The following CIITA variants were observed in gnomAD, a reference collection of about 807,000 sequenced individuals.
CIITA encodes class II major histocompatibility complex transactivator.
In CIITA, 72 loss-of-function variants were observed where a neutral mutation model predicts 115.1. That is an observed-to-expected ratio of 0.63 (90% CI 0.52 to 0.76). The LOEUF (loss-of-function observed/expected upper bound fraction) is 0.76, where lower values mean the gene tolerates loss of function less well. Ranked by LOEUF, CIITA falls within the 30% of genes least tolerant of loss-of-function variation. The pLI is 0.00. For missense variants in CIITA, 1,617 were observed against 1,463.8 expected (o/e 1.10, Z -1.71); for synonymous variants, 763 against 635.6 (o/e 1.20, Z -3.02).
At chr16:10,916,242 A>G in intron 14 of CIITA, 125 bp from the exon 15 acceptor site, 1 of 833,144 alleles carries the variant, frequency 1.2e-6, no homozygotes, top group Admixed American at 2.0e-5. Flanking sequence ...CCGGCTGCCT[A>G]TGGTGTATTA....
rs775514166 is a variant in CIITA at position 10,918,443 on chromosome 16, G to A, written c.3066G>A (p.Leu1022=). Residue 1022 remains leucine, a synonymous_variant, in exon 16 of 20, where the codon CTG becomes CTA. Coordinates refer to ENST00000324288, the MANE Select transcript of CIITA (RefSeq NM_000246.4). Reference sequence around the variant, plus strand: ...CCCCCTCACTGTGTCCCCGCAGTCTGTCCCAGAACAACATCACTGACCTGG... The same window carrying A: ...CCCCCTCACTGTGTCCCCGCAGTCTATCCCAGAACAACATCACTGACCTGG... ...PQLKSLETLN[L]SQNNITDLGA... The A allele has an allele frequency of 7.4e-6, 12 of 1,614,102 alleles. No homozygotes were observed. Among genetic ancestry groups the A allele is most frequent in the Middle Eastern group, 1.6e-4 (1 of 6,062 alleles).
At chr16:10,911,962 A>C (rs1372299249) in intron 13 of CIITA, among the ~76,000 whole-genome samples, 1 of 152,214 alleles carries the variant, frequency 6.6e-6, no homozygotes, top group Non-Finnish European at 1.5e-5. Context: ...TGCTGAGAAC[A>C]AGAGACTTTA....
chr16:10,873,933 T>G (rs771492210), upstream of CIITA, among the ~76,000 whole-genome samples: 8 of 152,142 alleles, frequency 5.3e-5, no homozygotes, highest in Non-Finnish European at 1.2e-4. Context: ...TCATCACCTC[T>G]GCAAGAGTTT....
In CIITA at chr16:10,906,918, C is replaced by A. The variant is rs754640797; in HGVS notation, c.1426C>A (p.Pro476Thr). The A allele has an allele frequency of 6.2e-7, 1 of 1,613,490 alleles. No homozygotes were observed. ...QDLLFSLGPQ[P>T]LVAADEVFSH... ...TCTGCTCTTCTCCCTGGGCCCACAG[C>A]CACTCGTGGCGGCCGATGAGGTTTT... The change falls in exon 11 of 20, where the codon CCA becomes ACA. Residue 476 changes from proline to threonine, a missense_variant. By Grantham distance (38) the Pro-to-Thr change is conservative. Coordinates refer to ENST00000324288, the MANE Select transcript of CIITA (RefSeq NM_000246.4).
intron 1 of CIITA, among the ~76,000 whole-genome samples, chr16:10,881,974 T>A (rs1204217227): frequency 1.3e-5 from 2 of 152,250 alleles, no homozygotes; most frequent in African/African-American, 4.8e-5. Flanking sequence ...GTCTTCCAGG[T>A]TCATCCATGT....
At chr16:10,889,641 T>C (rs2037343013) in intron 1 of CIITA, among the ~76,000 whole-genome samples, 1 of 152,036 alleles carries the variant, frequency 6.6e-6, no homozygotes, top group African/African-American at 2.4e-5. Context: ...TGCCTCAGCC[T>C]CCCAAGTAGC....
rs145686309 is a variant in CIITA, at chr16:10,883,744, C to T, written c.52+6362C>T. 3.0e-4 allele frequency among the ~76,000 whole-genome samples: 45 copies of T among 152,196 alleles called. 1 individual carries two copies. The East Asian group carries it at 6.2e-3, about 21-fold the overall frequency. On this transcript the variant is annotated intron_variant, in intron 1 of 19. Coordinates refer to ENST00000324288, the MANE Select transcript of CIITA (RefSeq NM_000246.4). ...TTGCATATAGGAGGTTTACTGGGGA[C>T]ATTCACAGGAGGGAACACCCGAAGG...
Position 10,922,449 on chromosome 16 carries a change from C to T in CIITA, c.3276C>T (p.Leu1092=), listed in dbSNP as rs1010187204. ...NKFTAAGAQQ[L]AASLRRCPHV... is the part of the protein sequence containing the mutation. ...TCACGGCTGCCGGGGCCCAGCAGCT[C>T]GCTGCCAGCCTTCGGAGGTGTCCTC... The change falls in exon 18 of 20, where the codon CTC becomes CTT. Residue 1092 remains leucine (L), a synonymous_variant. Coordinates refer to ENST00000324288, the MANE Select transcript of CIITA (RefSeq NM_000246.4). 16 of 1,614,026 alleles carry T rather than the reference C, an allele frequency of 9.9e-6. No individual in the cohort carries two copies. Among genetic ancestry groups the T allele is most frequent in the Middle Eastern group, 1.6e-4 (1 of 6,080 alleles).
In CIITA at chr16:10,902,322, C is replaced by T. The variant is rs1431955369; in HGVS notation, c.628+138C>T. On this transcript the variant is annotated intron_variant, in intron 7 of 19. Coordinates refer to ENST00000324288, the MANE Select transcript of CIITA (RefSeq NM_000246.4). ...TCAGTGTCACTCACCTCTGCCCCAG[C>T]CAGTTTTATCCTTGGGGCCCCCGTC... 2.2e-5 allele frequency: 29 copies of T among 1,289,900 alleles called. No individual in the cohort carries two copies. The Admixed American group carries it at 5.1e-4, about 23-fold the overall frequency. 79.9% of individuals were successfully genotyped at this position (1,289,900 alleles called of 1,614,324 possible).
chr16:10,921,907 A>T (rs1244823646), intron 16 of CIITA, among the ~76,000 whole-genome samples: 2 of 152,240 alleles, frequency 1.3e-5, no homozygotes, highest in Non-Finnish European at 2.9e-5. Context: ...CAAGAGAACT[A>T]GTGGGACCTG....
At chr16:10,889,215 AT>A (rs2037283059) in intron 1 of CIITA, among the ~76,000 whole-genome samples, 1 of 152,244 alleles carries the variant, frequency 6.6e-6, no homozygotes, top group Admixed American at 6.5e-5. Flanking sequence ...CGCTCTGGCA[AT>A]GTGGTTTGGA....
rs944664309 is a variant in CIITA, at chr16:10,929,073, A to C, written c.*5218A>C. ...TTGCCAACTTGCTGAAGAACGAGTA[A>C]CCTGAAATGAAGGAGCGAGAATCCC... On this transcript the variant is annotated 3_prime_UTR_variant, in exon 20 of 20. Transcript: ENST00000324288. The surrounding 1 kb of genome is among the most constrained non-coding windows in gnomAD (Gnocchi z 4.3). The C allele has an allele frequency of 3.6e-5, 13 of 361,924 alleles. No individual in the cohort carries two copies. The highest frequency in any genetic ancestry group is 2.0e-4 in the African/African-American group (9 of 45,214). The allele number at this position is 361,924 out of a possible 1,614,324, so 22.4% of individuals were successfully genotyped here.
downstream of CIITA, chr16:10,939,301 C>A (rs1185551266): frequency 2.0e-5 from 3 of 152,264 alleles, no homozygotes; most frequent in African/African-American, 7.2e-5. The surrounding 1 kb of genome is among the most constrained non-coding windows in gnomAD (Gnocchi z 4.9). Context: ...TCCCCTCTTA[C>A]CCCTCAGCTC....
intron 12 of CIITA, 96 bp downstream of exon 12, chr16:10,909,283 C>T (rs1434288490): frequency 5.3e-6 from 7 of 1,317,404 alleles, no homozygotes; most frequent in Non-Finnish European, 7.6e-6. Flanking sequence ...TCCAGTGCCC[C>T]CTGTCCTCTG....
Position 10,895,511 on chromosome 16 carries a change from T to A in CIITA, c.199+83T>A, listed in dbSNP as rs989992047. The A allele has an allele frequency of 6.9e-6, 11 of 1,590,334 alleles. No homozygotes were observed. In the African/African-American group the frequency reaches 1.3e-4, roughly 19 times the overall value. ...AGACGGCAATCAGGGGAAATTCTGG[T>A]CCCTGCCCTCCCGTCAGCACCACGG... On this transcript the variant is annotated intron_variant, in intron 2 of 19. Transcript: ENST00000324288.
At chr16:10,903,348 C>G (rs1448293644) in intron 8 of CIITA, among the ~76,000 whole-genome samples, 1 of 152,176 alleles carries the variant, frequency 6.6e-6, no homozygotes, top group Non-Finnish European at 1.5e-5. Context: ...TGCTTCCACT[C>G]AAGTCCAGAG....
chr16:10,918,395 A>G (rs1204036186), intron 15 of CIITA, 45 bp from the exon 16 acceptor site: 1 of 1,534,228 alleles, frequency 6.5e-7, no homozygotes, highest in South Asian at 1.1e-5. Flanking sequence ...AAAGTGAGGC[A>G]TGCAAGTTTG....
intron 1 of CIITA, among the ~76,000 whole-genome samples, chr16:10,889,959 T>C (rs963910814): frequency 6.6e-6 from 1 of 152,202 alleles, no homozygotes; most frequent in Admixed American, 6.5e-5. Context: ...TAAGCTCAAA[T>C]GGGCATAACA....
chr16:10,877,362 C>T lies in CIITA; in HGVS notation c.32C>T (p.Ser11Phe). The T allele has an allele frequency of 6.2e-7, 1 of 1,613,406 alleles. No homozygotes were observed. The change falls in exon 1 of 20, where the codon TCC becomes TTC. Residue 11 changes from serine (S) to phenylalanine (F), a missense_variant. Ser to Phe is a radical substitution (Grantham distance 155, BLOSUM62 -2). Coordinates refer to ENST00000324288, the MANE Select transcript of CIITA (RefSeq NM_000246.4). ...TGCCTGGCTCCACGCCCTGCTGGGT[C>T]CTACCTGTCAGAGCCCCAAGGTAAA... MRCLAPRPAGSYLSEPQGSSQ... is the reference protein window; with the variant it reads MRCLAPRPAGFYLSEPQGSSQ...
Sources: allele counts gnomAD v4.1 joint callset (sites outside exome capture counted in the v4.1 genomes callset), GRCh38; gene constraint gnomAD v4.1.1; non-coding constraint Gnocchi (gnomAD v3.1); transcripts MANE v1.5; gene names NCBI Gene and HGNC (gene_info 2026-07-23, HGNC 2026-07-21).